The following EXD3 variants were observed in gnomAD, a reference collection of about 807,000 sequenced individuals.
EXD3 encodes exonuclease mut-7 homolog.
In EXD3, 92 loss-of-function variants were observed where a neutral mutation model predicts 98.0. That is an observed-to-expected ratio of 0.94 (90% CI 0.79 to 1.12). The LOEUF is 1.12. EXD3 is among the 50% of genes most tolerant of loss of function. The probability of loss-of-function intolerance (pLI) is 0.00; values close to 1 mark genes in which losing one functional copy is unlikely to be tolerated. For missense variants in EXD3, 1,222 were observed against 1,191.6 expected, an observed-to-expected ratio of 1.03 and a Z score of -0.38; for synonymous variants, 569 against 526.0, an observed-to-expected ratio of 1.08 and a Z score of -1.12.
In EXD3 at chr9:137,324,248, C is replaced by T. The variant is rs575579628; in HGVS notation, c.1999-105G>A. The T allele has an allele frequency of 1.8e-5, 18 of 1,007,982 alleles. No individual in the cohort carries two copies. The African/African-American group carries it at 2.1e-4, about 12-fold the overall frequency. The allele number at this position is 1,007,982 out of a possible 1,614,324, so 62.4% of individuals were successfully genotyped here. A position where few individuals can be genotyped will look rare whatever the true frequency, so the allele number is the denominator to read the frequency against. ...AGCTCCCCGGATCGTGGCCCTGCCC[C>T]AGGCCCCTTTTGTCCTCCAGGGTGG... On this transcript the variant is annotated intron_variant, in intron 17 of 21. Coordinates refer to ENST00000340951, the MANE Select transcript of EXD3 (RefSeq NM_017820.5). This position sits in a 1 kb window ranked among gnomAD's most constrained non-coding sequence, Gnocchi z 4.1.
At position 137,349,188 on chromosome 9, in the gene EXD3, C is replaced by T. The variant is rs774914375; in HGVS notation, c.1752G>A (p.Arg584=). 9 of 1,588,202 alleles carry T rather than the reference C, an allele frequency of 5.7e-6. No homozygotes were observed. Among genetic ancestry groups the T allele is most frequent in the Admixed American group, 1.7e-5 (1 of 57,186 alleles). The change falls in exon 16 of 22, where the codon AGG becomes AGA. Residue 584 remains arginine (R), a synonymous_variant. Coordinates refer to ENST00000340951, the MANE Select transcript of EXD3 (RefSeq NM_017820.5). The surrounding 1 kb of genome is among the most constrained non-coding windows in gnomAD (Gnocchi z 7.4). The part of the protein sequence containing the change: ...HLSEDLAGSR[R]PRHRERPGAR... ...CCCCTGGTCTCTCTCTGTGCCTGGGCCTCCGGCTCCCAGCCAGGTCCTCCG... is the reference window on the plus strand; with the variant it reads ...CCCCTGGTCTCTCTCTGTGCCTGGGTCTCCGGCTCCCAGCCAGGTCCTCCG...
At chr9:137,415,449 C>T (rs1161929239) in intron 1 of EXD3, among the ~76,000 whole-genome samples, 3 of 152,172 alleles carry the variant, frequency 2.0e-5, no homozygotes, top group Non-Finnish European at 4.4e-5. Context: ...CTGCCTCGGT[C>T]TCCTAAAGTG....
At position 137,349,962 on chromosome 9, in the gene EXD3, C is replaced by T. The variant is rs979094733; in HGVS notation, c.1495-431G>A. Among the ~76,000 whole-genome samples, 1 of 147,710 alleles carries T rather than the reference C, an allele frequency of 6.8e-6. No individual in the cohort carries two copies. The highest frequency in any genetic ancestry group is 1.5e-5 in the Non-Finnish European group (1 of 67,302). On this transcript the variant is annotated intron_variant, in intron 14 of 21. Coordinates refer to ENST00000340951, the MANE Select transcript of EXD3 (RefSeq NM_017820.5). This position sits in a 1 kb window ranked among gnomAD's most constrained non-coding sequence, Gnocchi z 7.4. ...TAGTGCTCATGCTAGGGGCGCTCCA[C>T]GTGTGTGTCTGGGGTGGCGTGTGTG...
chr9:137,371,008 C>T lies in EXD3; in HGVS notation c.462+1897G>A, dbSNP rs1264369387. On this transcript the variant is annotated intron_variant, in intron 5 of 21. Transcript: ENST00000340951. The surrounding 1 kb of genome is among the most constrained non-coding windows in gnomAD (Gnocchi z 8.0). ...TGCGGCCTCTTTCGGCCGGGCGCGG[C>T]GGTGAGCAGTGGAGCATGCATCGCC... 6.6e-6 allele frequency among the ~76,000 whole-genome samples: 1 copy of T among 152,190 alleles called. No individual in the cohort carries two copies. Among genetic ancestry groups the T allele is most frequent in the East Asian group, 1.9e-4 (1 of 5,186 alleles).
At position 137,351,351 on chromosome 9, in the gene EXD3, G is replaced by C. The variant is rs374971103; in HGVS notation, c.1351C>G (p.Gln451Glu). Residue 451 changes from glutamine to glutamate, a missense_variant, in exon 13 of 22, where the codon CAG (glutamine) becomes GAG (glutamate). Coordinates refer to ENST00000340951, the MANE Select transcript of EXD3 (RefSeq NM_017820.5). ...GAQAFSRLVAQLLSDPSITKL... is the reference protein window; with the variant it reads ...GAQAFSRLVAELLSDPSITKL... ...GTGATAGAGGGGTCCGAGAGGAGCT[G>C]GGCCACCAGCCGGGAAAAGGCCTGG... 1 of 1,611,966 alleles carries C rather than the reference G, an allele frequency of 6.2e-7. No individual in the cohort carries two copies. The highest frequency in any genetic ancestry group is 8.5e-7 in the Non-Finnish European group (1 of 1,179,600).
At chr9:137,366,657 C>A in intron 6 of EXD3, 25 bp from the exon 7 acceptor site, 1 of 1,545,134 alleles carries the variant, frequency 6.5e-7, no homozygotes, top group Non-Finnish European at 8.7e-7. Flanking sequence ...ACGGTCAGGC[C>A]ACAGCCTCCG....
intron 10 of EXD3, 41 bp downstream of exon 10, chr9:137,354,298 C>CCT (rs1834489210): frequency 1.2e-6 from 2 of 1,608,658 alleles, no homozygotes; most frequent in Non-Finnish European, 1.7e-6. Flanking sequence ...GACAGCCGCC[C>CCT]AGGCCGCCCT....
intron 6 of EXD3, among the ~76,000 whole-genome samples, chr9:137,367,412 C>T (rs1588360690): frequency 6.6e-6 from 1 of 152,170 alleles, no homozygotes; most frequent in East Asian, 1.9e-4. Flanking sequence ...TGCTCACTCC[C>T]CCACCCTGCC....
At chr9:137,327,958 T>A (rs62586795) in intron 17 of EXD3, among the ~76,000 whole-genome samples, 2 of 46,750 alleles carry the variant, frequency 4.3e-5, no homozygotes, top group African/African-American at 8.6e-5. Flanking sequence ...TATACTCCTA[T>A]ATGATGAGTA....
rs1165027828 is a variant in EXD3, at chr9:137,405,438, C to T, written c.-47-10034G>A. ...CTGGTGTCCGTGGCCCAAGGATTTG[C>T]AGAGCCGCGGACGGAGCCCAGGGCG... is the stretch of plus-strand genomic sequence containing the variant. On this transcript the variant is annotated intron_variant, in intron 1 of 21. Transcript: ENST00000340951. The surrounding 1 kb of genome is among the most constrained non-coding windows in gnomAD (Gnocchi z 4.1). Among the ~76,000 whole-genome samples, 1 of 152,234 alleles carries T rather than the reference C, an allele frequency of 6.6e-6. No individual in the cohort carries two copies. The highest frequency in any genetic ancestry group is 2.4e-5 in the African/African-American group (1 of 41,466).
chr9:137,375,344 G>C (rs1221171885), intron 3 of EXD3, among the ~76,000 whole-genome samples: 1 of 152,204 alleles, frequency 6.6e-6, no homozygotes, highest in Non-Finnish European at 1.5e-5. Context: ...TCTAGCTCTA[G>C]TGAGTTCCAG....
intron 17 of EXD3, among the ~76,000 whole-genome samples, chr9:137,327,817 CT>C (rs1832529752): frequency 6.7e-6 from 1 of 149,108 alleles, no homozygotes; most frequent in African/African-American, 2.5e-5. Flanking sequence ...GTAAAAACAA[CT>C]AATATACACC....
At chr9:137,313,802 C>T (rs1470049792) in intron 19 of EXD3, among the ~76,000 whole-genome samples, 3 of 152,180 alleles carry the variant, frequency 2.0e-5, no homozygotes. Context: ...CAGGACATTT[C>T]TGCTCATTTA....
intron 3 of EXD3, among the ~76,000 whole-genome samples, chr9:137,382,662 G>A (rs770703737): frequency 1.3e-5 from 2 of 152,130 alleles, no homozygotes; most frequent in African/African-American, 2.4e-5. Context: ...GGCATCCCCC[G>A]GGCCTGCAGG....
chr9:137,332,542 G>C (rs917908998), intron 17 of EXD3, among the ~76,000 whole-genome samples: 1 of 144,606 alleles, frequency 6.9e-6, no homozygotes, highest in Non-Finnish European at 1.5e-5. Flanking sequence ...AGCCGAGATT[G>C]TTAAAGGGTA....
intron 10 of EXD3, chr9:137,353,138 A>C: frequency 1.0e-6 from 1 of 977,580 alleles, no homozygotes. Flanking sequence ...CCAAGCCTCC[A>C]CCGGCCCTCC....
chr9:137,350,488 T>G (rs1176490390), intron 14 of EXD3, among the ~76,000 whole-genome samples: 10 of 37,710 alleles, frequency 2.7e-4, no homozygotes, highest in Admixed American at 7.1e-4. Context: ...TAGAGAGGGG[T>G]GGGGATCACG....
chr9:137,417,008 C>T (rs1838263915), intron 1 of EXD3, among the ~76,000 whole-genome samples: 1 of 152,230 alleles, frequency 6.6e-6, no homozygotes, highest in Non-Finnish European at 1.5e-5. Context: ...CCAAGGGGAC[C>T]CCACCTTAGG....
Position 137,395,384 on chromosome 9 carries a change from C to T in EXD3, c.-27G>A, listed in dbSNP as rs756009665. On this transcript the variant is annotated 5_prime_UTR_variant, in exon 2 of 22. Coordinates refer to ENST00000340951, the MANE Select transcript of EXD3 (RefSeq NM_017820.5). This position sits in a 1 kb window ranked among gnomAD's most constrained non-coding sequence, Gnocchi z 6.5. ...CTCAGGGCCGGGCCGAGGACGCTGG[C>T]AGGCAGCTAGGAACGAGGATCTGCA... 1.2e-6 allele frequency: 2 copies of T among 1,613,234 alleles called. No individual in the cohort carries two copies. The highest frequency in any genetic ancestry group is 1.7e-6 in the Non-Finnish European group (2 of 1,179,790).
Sources: gnomAD v4.1 joint callset for allele counts (sites outside exome capture counted in the v4.1 genomes callset) on GRCh38, gnomAD v4.1.1 for gene constraint, Gnocchi (gnomAD v3.1) non-coding constraint, MANE v1.5 for transcripts, NCBI Gene and HGNC (gene_info 2026-07-23, HGNC 2026-07-21) for gene names.